The following AUTS2 variants were observed in gnomAD, a reference collection of about 807,000 sequenced individuals.
AUTS2 encodes the protein activator of transcription and developmental regulator AUTS2, also known as autism susceptibility gene 2 protein.
Under a neutral mutation model 112.4 loss-of-function variants are expected in AUTS2, and 17 were observed. The ratio of observed to expected loss-of-function variants is 0.15; its 90% confidence interval spans 0.10 to 0.23. The LOEUF (loss-of-function observed/expected upper bound fraction) is 0.23, where lower values mean the gene tolerates loss of function less well. AUTS2 is among the 10% of genes least tolerant of loss of function. The pLI is 1.00. For synonymous variants in AUTS2, 751 were observed against 702.7 expected (o/e 1.07, Z -1.09); for missense variants, 1,510 against 1,701.6 (o/e 0.89, Z 1.98).
chr7:70,640,374 C>A (rs1356464550), intron 5 of AUTS2, among the ~76,000 whole-genome samples: 1 of 121,846 alleles, frequency 8.2e-6, no homozygotes. Context: ...ACACTTGACT[C>A]ATTTAGAACA....
chr7:70,233,063 G>T (rs1326332619), intron 4 of AUTS2, among the ~76,000 whole-genome samples: 1 of 152,062 alleles, frequency 6.6e-6, no homozygotes, highest in Non-Finnish European at 1.5e-5. Context: ...TGAGAGCCTT[G>T]GCCTCAAAAC....
At chr7:70,776,533 AC>A (rs1465740244) in intron 13 of AUTS2, 1 of 155,648 alleles carries the variant, frequency 6.4e-6, no homozygotes, top group Non-Finnish European at 1.4e-5. Flanking sequence ...GCCCACCAAC[AC>A]GAATGGGTAG....
At chr7:69,982,470 G>GAA (rs66884131) in intron 2 of AUTS2, among the ~76,000 whole-genome samples, 4 of 151,370 alleles carry the variant, frequency 2.6e-5, no homozygotes, top group South Asian at 4.2e-4. Context: ...CCTGAGGGGG[G>GAA]AAAAAAAACG....
At chr7:70,318,583 A>G (rs1014949757) in intron 4 of AUTS2, among the ~76,000 whole-genome samples, 1 of 152,192 alleles carries the variant, frequency 6.6e-6, no homozygotes, top group African/African-American at 2.4e-5. Flanking sequence ...CAGACATCCT[A>G]CCACCACCTT....
chr7:70,117,763 T>C (rs1252211181), intron 2 of AUTS2, among the ~76,000 whole-genome samples: 1 of 151,796 alleles, frequency 6.6e-6, no homozygotes, highest in South Asian at 2.1e-4. Flanking sequence ...TTTTTTTTTT[T>C]GTGAGACGGA....
At chr7:70,488,963 C>T (rs371142927) in intron 5 of AUTS2, among the ~76,000 whole-genome samples, 4 of 152,166 alleles carry the variant, frequency 2.6e-5, no homozygotes, top group Non-Finnish European at 5.9e-5. Context: ...TCACCAAGCA[C>T]TAGAAGAGGT....
chr7:69,904,256 T>C (rs765173638), intron 2 of AUTS2, among the ~76,000 whole-genome samples: 1 of 152,258 alleles, frequency 6.6e-6, no homozygotes, highest in South Asian at 2.1e-4. Flanking sequence ...TGGTCCCTTA[T>C]TTCAGCACGA....
intron 1 of AUTS2, among the ~76,000 whole-genome samples, chr7:69,737,392 G>A (rs1787079247): frequency 6.6e-6 from 1 of 152,178 alleles, no homozygotes; most frequent in African/African-American, 2.4e-5. Flanking sequence ...TTGAGGCAAA[G>A]AGAGGTTAGA....
chr7:70,607,961 A>G (rs1449598256), intron 5 of AUTS2, among the ~76,000 whole-genome samples: 2 of 152,200 alleles, frequency 1.3e-5, no homozygotes, highest in Admixed American at 6.5e-5. Flanking sequence ...CCTCATTTCT[A>G]CAAATAGTCA....
intron 2 of AUTS2, among the ~76,000 whole-genome samples, chr7:69,961,644 A>T (rs1192770877): frequency 6.6e-6 from 1 of 152,146 alleles, no homozygotes; most frequent in Non-Finnish European, 1.5e-5. Flanking sequence ...CTCTGGCTCT[A>T]ATGTCAGGCC....
At chr7:70,640,656 C>T (rs749354790) in intron 5 of AUTS2, among the ~76,000 whole-genome samples, 8 of 151,792 alleles carry the variant, frequency 5.3e-5, no homozygotes, top group Non-Finnish European at 1.2e-4. Context: ...TGCTTGTGGG[C>T]GGGGATTGAA....
At chr7:70,424,233 C>T (rs1380945242) in intron 4 of AUTS2, among the ~76,000 whole-genome samples, 2 of 152,160 alleles carry the variant, frequency 1.3e-5, no homozygotes, top group Non-Finnish European at 2.9e-5. Flanking sequence ...CTCAGTCCCT[C>T]TTAAGGGAGA....
At chr7:70,068,185 T>C (rs890430191) in intron 2 of AUTS2, among the ~76,000 whole-genome samples, 1 of 150,960 alleles carries the variant, frequency 6.6e-6, no homozygotes, top group African/African-American at 2.4e-5. Flanking sequence ...TTTCTTTTTT[T>C]TTTTTTTGAG....
intron 1 of AUTS2, among the ~76,000 whole-genome samples, chr7:69,810,612 AAG>A (rs1260262895): frequency 1.3e-5 from 2 of 152,058 alleles, no homozygotes; most frequent in African/African-American, 2.4e-5. Flanking sequence ...TTTTGAGGGA[AAG>A]AGAGAGAAAG....
In AUTS2 at chr7:70,181,852, C is replaced by T. The variant is rs1303755974; in HGVS notation, c.660+47281C>T. Among the ~76,000 whole-genome samples the T allele has an allele frequency of 1.6e-4, 22 of 137,190 alleles. No homozygotes were observed. The East Asian group carries it at 4.5e-3, about 28-fold the overall frequency. 90.0% of individuals were successfully genotyped at this position (137,190 alleles called of 152,430 possible). ...TCTCTCTGTCACCCAGGCTGGAGTG[C>T]AGTGGAATGATCTTGGCTCACTGCA... On this transcript the variant is annotated intron_variant, in intron 4 of 18. Coordinates refer to ENST00000342771, the MANE Select transcript of AUTS2 (RefSeq NM_015570.4).
chr7:70,224,331 G>GTACAATACAATACAATACAA lies in AUTS2; in HGVS notation c.660+89813_660+89832dup, dbSNP rs61077173. ...GTATAATACAATACAATACAGTACA[G>GTACAATACAATACAATACAA]TACAATACAATACAATACAATACAA... is the stretch of plus-strand genomic sequence containing the variant. On this transcript the variant is annotated intron_variant, in intron 4 of 18. Transcript: ENST00000342771. Among the ~76,000 whole-genome samples the GTACAATACAATACAATACAA allele has an allele frequency of 5.8e-5, 8 of 138,692 alleles. No individual in the cohort carries two copies. In the East Asian group the frequency reaches 6.6e-4, roughly 11 times the overall value. 91.0% of individuals were successfully genotyped at this position (138,692 alleles called of 152,430 possible).
At chr7:70,717,920 A>C (rs1810469712) in intron 6 of AUTS2, among the ~76,000 whole-genome samples, 1 of 152,212 alleles carries the variant, frequency 6.6e-6, no homozygotes, top group African/African-American at 2.4e-5. Context: ...CCACCTGCCA[A>C]CCACAGTGAA....
At chr7:70,058,264 T>C (rs967377252) in intron 2 of AUTS2, among the ~76,000 whole-genome samples, 1 of 152,212 alleles carries the variant, frequency 6.6e-6, no homozygotes, top group African/African-American at 2.4e-5. Flanking sequence ...GAGCCAGCTG[T>C]GTAAGGACTT....
chr7:69,917,843 G>T lies in AUTS2; in HGVS notation c.522+18345G>T, dbSNP rs532740829. On this transcript the variant is annotated intron_variant, in intron 2 of 18. Transcript: ENST00000342771. ...CACCTTTGTTGTTGTTGTTGTTGTT[G>T]TTGTTGTTGTTGTTGTTGCGACGGA... Among the ~76,000 whole-genome samples the T allele has an allele frequency of 9.9e-5, 15 of 151,906 alleles. No individual in the cohort carries two copies. The East Asian group carries it at 2.9e-3, about 29-fold the overall frequency.
Sources: gnomAD v4.1 joint callset for allele counts (sites outside exome capture counted in the v4.1 genomes callset) on GRCh38, gnomAD v4.1.1 for gene constraint, MANE v1.5 for transcripts, NCBI Gene and HGNC (gene_info 2026-07-23, HGNC 2026-07-21) for gene names.